SAMD4A: variants seen among roughly 807,000 people sequenced by gnomAD.
SAMD4A encodes the protein sterile alpha motif domain containing 4A.
Under a neutral mutation model 81.3 loss-of-function variants are expected in SAMD4A, and 33 were observed. That is an observed-to-expected ratio of 0.41 (90% CI 0.31 to 0.54). The LOEUF (loss-of-function observed/expected upper bound fraction) is 0.54. Among genes scored for constraint, SAMD4A ranks in the 20% least tolerant of loss-of-function variants. The pLI is 0.37. For missense variants in SAMD4A, 854 were observed against 951.1 expected (o/e 0.90, Z 1.34); for synonymous variants, 389 against 382.1 (o/e 1.02, Z -0.21).
intron 8 of SAMD4A, among the ~76,000 whole-genome samples, chr14:54,766,043 A>G (rs1233625728): frequency 1.3e-5 from 2 of 152,130 alleles, no homozygotes; most frequent in East Asian, 3.9e-4. Context: ...TGAAATGTTT[A>G]ACTATACCAA....
At chr14:54,655,726 G>A (rs192296985) in intron 2 of SAMD4A, among the ~76,000 whole-genome samples, 98 of 152,206 alleles carry the variant, frequency 6.4e-4, no homozygotes, top group East Asian at 2.5e-3. Context: ...CAATAAGAGC[G>A]AAATTCAGTC....
intron 2 of SAMD4A, among the ~76,000 whole-genome samples, chr14:54,656,008 C>T (rs1412736020): frequency 6.6e-6 from 1 of 152,004 alleles, no homozygotes. Context: ...TAGTGTTTGG[C>T]ATATAATAAA....
chr14:54,590,912 G>A (rs745447167), intron 2 of SAMD4A, among the ~76,000 whole-genome samples: 1 of 152,132 alleles, frequency 6.6e-6, no homozygotes, highest in Non-Finnish European at 1.5e-5. Context: ...TAATACTGAA[G>A]CTTAGTTTTC....
chr14:54,676,891 A>G (rs1456051068), intron 2 of SAMD4A, among the ~76,000 whole-genome samples: 1 of 152,254 alleles, frequency 6.6e-6, no homozygotes, highest in South Asian at 2.1e-4. Context: ...GGAACATGAC[A>G]GGATGCAGAA....
At chr14:54,576,354 G>A (rs1020385602) in intron 2 of SAMD4A, among the ~76,000 whole-genome samples, 1 of 152,106 alleles carries the variant, frequency 6.6e-6, no homozygotes, top group Non-Finnish European at 1.5e-5. Flanking sequence ...TTGAAGAGTG[G>A]TAAATGAATG....
chr14:54,571,419 A>G (rs1254778744), intron 2 of SAMD4A, among the ~76,000 whole-genome samples: 1 of 152,234 alleles, frequency 6.6e-6, no homozygotes, highest in Non-Finnish European at 1.5e-5. Context: ...TTCCAGGACT[A>G]GCAGGTCATT....
chr14:54,615,347 CT>C (rs1441327306), intron 2 of SAMD4A, among the ~76,000 whole-genome samples: 1 of 152,174 alleles, frequency 6.6e-6, no homozygotes, highest in Non-Finnish European at 1.5e-5. Flanking sequence ...AATTCTATTC[CT>C]TTTCCTAACA....
At chr14:54,736,881 G>A (rs909108262) in intron 3 of SAMD4A, 143 bp from the exon 4 acceptor site, 5 of 927,902 alleles carry the variant, frequency 5.4e-6, no homozygotes, top group Admixed American at 4.9e-5. Context: ...ACCATGCCAG[G>A]CCTGTATTCA....
At chr14:54,593,108 T>C (rs2033823108) in intron 2 of SAMD4A, among the ~76,000 whole-genome samples, 1 of 152,238 alleles carries the variant, frequency 6.6e-6, no homozygotes, top group Non-Finnish European at 1.5e-5. Flanking sequence ...CATTCTGCCA[T>C]TCTGAATGTG....
intron 2 of SAMD4A, 146 bp downstream of exon 2, chr14:54,568,258 C>T (rs969648024): frequency 7.0e-6 from 5 of 712,386 alleles, no homozygotes; most frequent in African/African-American, 5.8e-5. Flanking sequence ...TCGGAATCCA[C>T]CCCCTCCGGG....
intron 2 of SAMD4A, among the ~76,000 whole-genome samples, chr14:54,590,095 C>T (rs1404571064): frequency 3.0e-4 from 45 of 152,306 alleles, no homozygotes; most frequent in Admixed American, 2.6e-3. Flanking sequence ...AGCAGGCACA[C>T]AATAAATATT....
intron 2 of SAMD4A, among the ~76,000 whole-genome samples, chr14:54,698,144 T>A (rs1228948373): frequency 6.6e-6 from 1 of 152,206 alleles, no homozygotes; most frequent in African/African-American, 2.4e-5. Flanking sequence ...AAATAAATAG[T>A]TAACATATTT....
At chr14:54,720,984 TG>T (rs1239293112) in intron 3 of SAMD4A, among the ~76,000 whole-genome samples, 1 of 152,240 alleles carries the variant, frequency 6.6e-6, no homozygotes, top group Non-Finnish European at 1.5e-5. Context: ...TGACTTCAAG[TG>T]GTCTGCTGAT....
Position 54,791,226 on chromosome 14 carries a change from C to T in SAMD4A, c.*2282C>T, listed in dbSNP as rs2039253923. ...GCCAAAGGTAAGACCAGAGGGTTTG[C>T]GAATGTGGGTTTGTAGGATACTGAG... is the stretch of plus-strand genomic sequence containing the variant. On this transcript the variant is annotated 3_prime_UTR_variant, in exon 13 of 13. Coordinates refer to ENST00000554335, the MANE Select transcript of SAMD4A (RefSeq NM_015589.6). 2 of 151,988 alleles carry T rather than the reference C, an allele frequency of 1.3e-5. No homozygotes were observed. The highest frequency in any genetic ancestry group is 2.4e-5 in the African/African-American group (1 of 41,338). 9.4% of individuals were successfully genotyped at this position (151,988 alleles called of 1,614,324 possible).
At chr14:54,632,578 C>G (rs957294606) in intron 2 of SAMD4A, among the ~76,000 whole-genome samples, 1 of 151,522 alleles carries the variant, frequency 6.6e-6, no homozygotes, top group Admixed American at 6.6e-5. Flanking sequence ...CTACACTTCA[C>G]TTTTTTTTTC....
chr14:54,681,724 G>C (rs950996640), intron 2 of SAMD4A: 1 of 913,216 alleles, frequency 1.1e-6, no homozygotes, highest in Non-Finnish European at 1.3e-6. Flanking sequence ...GAGCCACCAC[G>C]CCCTGCCTTT....
chr14:54,692,592 T>C (rs557254492), intron 2 of SAMD4A, among the ~76,000 whole-genome samples: 19 of 152,328 alleles, frequency 1.2e-4, no homozygotes, highest in African/African-American at 4.6e-4. Flanking sequence ...TAATTCATTA[T>C]TTTAAGGTAC....
At chr14:54,605,006 T>G (rs2034161300) in intron 2 of SAMD4A, among the ~76,000 whole-genome samples, 1 of 152,218 alleles carries the variant, frequency 6.6e-6, no homozygotes, top group Non-Finnish European at 1.5e-5. Context: ...TACCTTATGC[T>G]CAAACTCCTT....
At chr14:54,591,900 C>T (rs1033610036) in intron 2 of SAMD4A, among the ~76,000 whole-genome samples, 12 of 152,156 alleles carry the variant, frequency 7.9e-5, no homozygotes, top group Non-Finnish European at 1.8e-4. Flanking sequence ...AAAGCCTTCT[C>T]TCTAACCTAG....
Sources: gnomAD v4.1 joint callset for allele counts (sites outside exome capture counted in the v4.1 genomes callset) on GRCh38, gnomAD v4.1.1 for gene constraint, MANE v1.5 for transcripts, NCBI Gene and HGNC (gene_info 2026-07-23, HGNC 2026-07-21) for gene names.